CUX1: variants seen among roughly 807,000 people sequenced by gnomAD.
The protein encoded by CUX1 is cut like homeobox 1.
In CUX1, 31 loss-of-function variants were observed where a neutral mutation model predicts 158.8. That is an observed-to-expected ratio of 0.20 (90% CI 0.15 to 0.26). The LOEUF is 0.26. Among genes scored for constraint, CUX1 ranks in the 10% least tolerant of loss-of-function variants. CUX1 has a pLI of 1.00. For missense variants in CUX1, 1,589 were observed against 2,014.6 expected (o/e 0.79, Z 4.04); for synonymous variants, 879 against 862.1 (o/e 1.02, Z -0.34).
At chr7:101,838,211 C>T (rs1268972492) in intron 1 of CUX1, among the ~76,000 whole-genome samples, 2 of 151,540 alleles carry the variant, frequency 1.3e-5, no homozygotes, top group Non-Finnish European at 2.9e-5. Context: ...CTCACTGCAA[C>T]CTACGCCTCC....
At chr7:101,873,182 T>C (rs984327599) in intron 1 of CUX1, among the ~76,000 whole-genome samples, 22 of 150,762 alleles carry the variant, frequency 1.5e-4, no homozygotes, top group African/African-American at 4.4e-4. Context: ...CAGCTTCTTT[T>C]TTTTTTTTTT....
chr7:101,827,360 C>T (rs1418907464), intron 1 of CUX1, among the ~76,000 whole-genome samples: 2 of 151,856 alleles, frequency 1.3e-5, no homozygotes, highest in African/African-American at 4.8e-5. Flanking sequence ...GGTTAGAGTG[C>T]AGTGACATAA....
At chr7:102,239,230 C>T (rs1374478582) in intron 22 of CUX1, 90 bp from the exon 23 acceptor site, 7 of 1,433,900 alleles carry the variant, frequency 4.9e-6, no homozygotes, top group East Asian at 4.8e-5. Flanking sequence ...TCCTGCAAGC[C>T]GGCACTGTGC....
intron 8 of CUX1, among the ~76,000 whole-genome samples, chr7:102,131,701 C>G (rs1427407160): frequency 6.8e-6 from 1 of 146,654 alleles, no homozygotes; most frequent in Non-Finnish European, 1.5e-5. Flanking sequence ...GAGACAGGGT[C>G]TTGCTGTCTC....
intron 4 of CUX1, among the ~76,000 whole-genome samples, chr7:102,086,300 A>G (rs563596395): frequency 7.3e-6 from 1 of 136,696 alleles, no homozygotes; most frequent in East Asian, 2.2e-4. Context: ...CTTATTAGCT[A>G]CTTTCTACTT....
chr7:102,114,728 A>T (rs1368360115), intron 7 of CUX1, among the ~76,000 whole-genome samples: 1 of 152,178 alleles, frequency 6.6e-6, no homozygotes, highest in African/African-American at 2.4e-5. Flanking sequence ...AGTGTTTTAA[A>T]ATATTAGCCA....
intron 1 of CUX1, among the ~76,000 whole-genome samples, chr7:101,886,978 C>A (rs1400239477): frequency 6.6e-6 from 1 of 152,222 alleles, no homozygotes; most frequent in Non-Finnish European, 1.5e-5. Flanking sequence ...TGAGCCCCCA[C>A]TCTTCGCTCC....
chr7:101,891,119 A>C (rs1269398174), intron 1 of CUX1, among the ~76,000 whole-genome samples: 1 of 152,316 alleles, frequency 6.6e-6, no homozygotes, highest in African/African-American at 2.4e-5. Flanking sequence ...CACTAGAGGT[A>C]GACACCAAAA....
At chr7:102,115,153 G>A (rs1292004558) in intron 7 of CUX1, 54 bp from the exon 8 acceptor site, 3 of 1,446,102 alleles carry the variant, frequency 2.1e-6, no homozygotes, top group Non-Finnish European at 2.9e-6. Context: ...GATTACCTGT[G>A]TATGCATTCT....
chr7:102,000,886 C>T (rs559978095), intron 2 of CUX1, among the ~76,000 whole-genome samples: 4 of 152,266 alleles, frequency 2.6e-5, no homozygotes, highest in African/African-American at 9.6e-5. Flanking sequence ...CCTCCCACCT[C>T]ACCCTCCCTG....
chr7:101,846,661 C>T (rs35095143), intron 1 of CUX1, among the ~76,000 whole-genome samples: 3,570 of 152,194 alleles, frequency 0.023, 64 homozygotes, highest in Admixed American at 0.039. Flanking sequence ...CTGACAGTAT[C>T]GATCATCCAC....
intron 9 of CUX1, among the ~76,000 whole-genome samples, 157 bp downstream of exon 9, chr7:102,158,765 A>G (rs1373319226): frequency 2.0e-5 from 3 of 152,226 alleles, no homozygotes; most frequent in African/African-American, 7.2e-5. Context: ...CATGAGAAGT[A>G]GGAAAAGACA....
intron 12 of CUX1, among the ~76,000 whole-genome samples, chr7:102,190,520 G>T (rs1307941468): frequency 2.6e-5 from 4 of 152,124 alleles, no homozygotes; most frequent in African/African-American, 9.7e-5. Context: ...TCCCCTGCAA[G>T]CCTGGAGCCT....
At chr7:102,217,551 C>A (rs979276139) in intron 20 of CUX1, among the ~76,000 whole-genome samples, 4 of 152,220 alleles carry the variant, frequency 2.6e-5, no homozygotes, top group Non-Finnish European at 5.9e-5. Flanking sequence ...AAAACCATCC[C>A]CAGAGGGAGG....
chr7:101,831,866 C>T (rs906967640), intron 1 of CUX1, among the ~76,000 whole-genome samples: 10 of 151,918 alleles, frequency 6.6e-5, no homozygotes, highest in African/African-American at 1.7e-4. Context: ...CTCAGGTTCC[C>T]GAGTAGCTGG....
At chr7:101,825,462 C>T (rs1289071304) in intron 1 of CUX1, among the ~76,000 whole-genome samples, 3 of 152,114 alleles carry the variant, frequency 2.0e-5, no homozygotes. Flanking sequence ...GTGGCCAGGG[C>T]CCTTGGAGAG....
chr7:102,156,478 G>A (rs185854725), intron 8 of CUX1, among the ~76,000 whole-genome samples: 161 of 152,282 alleles, frequency 1.1e-3, no homozygotes, highest in African/African-American at 3.8e-3. Context: ...CTAAAGTCTG[G>A]TCAGAGCAAG....
At chr7:101,972,702 A>G (rs1362711758) in intron 2 of CUX1, among the ~76,000 whole-genome samples, 3 of 152,208 alleles carry the variant, frequency 2.0e-5, no homozygotes, top group Non-Finnish European at 4.4e-5. Context: ...CTGTCGGGGA[A>G]GGACTCCGGC....
chr7:102,170,771 G>A (rs369676554), intron 10 of CUX1, among the ~76,000 whole-genome samples: 2 of 152,174 alleles, frequency 1.3e-5, no homozygotes, highest in Non-Finnish European at 2.9e-5. Flanking sequence ...TGAGGCTAGC[G>A]TGGCATCCAC....
Sources: allele counts gnomAD v4.1 joint callset (sites outside exome capture counted in the v4.1 genomes callset), GRCh38; gene constraint gnomAD v4.1.1; transcripts MANE v1.5; gene names NCBI Gene and HGNC (gene_info 2026-07-23, HGNC 2026-07-21).